Variants in ENTREP2 observed in about 807,000 individuals in gnomAD.
ENTREP2 encodes the protein protein ENTREP2.
chr15:29,269,179 G>A, the ENTREP2 span: 6 of 1,614,000 alleles, frequency 3.7e-6, no homozygotes, highest in Non-Finnish European at 5.1e-6. Flanking sequence ...CAGGAGGCCC[G>A]TAGTGGGCGT....
the ENTREP2 span, among the ~76,000 whole-genome samples, chr15:29,515,580 G>A: frequency 3.3e-5 from 5 of 152,200 alleles, no homozygotes; most frequent in African/African-American, 7.2e-5. Context: ...GCACCTGAAT[G>A]AGCAAGGAAA....
chr15:29,511,124 G>A, the ENTREP2 span, among the ~76,000 whole-genome samples: 1 of 152,022 alleles, frequency 6.6e-6, no homozygotes, highest in East Asian at 1.9e-4. Context: ...AAACCACCAT[G>A]GCACATATAT....
the ENTREP2 span, among the ~76,000 whole-genome samples, chr15:29,600,395 C>G: frequency 6.6e-6 from 1 of 152,016 alleles, no homozygotes; most frequent in Non-Finnish European, 1.5e-5. Flanking sequence ...TTCACTGGGT[C>G]TATCCAAATT....
chr15:29,167,842 AT>A, the ENTREP2 span, among the ~76,000 whole-genome samples: 1 of 152,210 alleles, frequency 6.6e-6, no homozygotes, highest in East Asian at 1.9e-4. Context: ...AAAAGAATTC[AT>A]TATATGAGGA....
the ENTREP2 span, among the ~76,000 whole-genome samples, chr15:29,548,453 T>TAAAAAAAAAAA: frequency 2.2e-5 from 3 of 134,182 alleles, no homozygotes; most frequent in Non-Finnish European, 3.2e-5. Flanking sequence ...AGATTCTGCC[T>TAAAAAAAAAAA]AAAAAAAAAA....
the ENTREP2 span, among the ~76,000 whole-genome samples, chr15:29,389,325 C>T: frequency 1.3e-5 from 2 of 152,058 alleles, no homozygotes; most frequent in Non-Finnish European, 2.9e-5. Context: ...TAAGACACTA[C>T]GACATCCGGA....
the ENTREP2 span, among the ~76,000 whole-genome samples, chr15:29,129,320 C>A: frequency 6.6e-6 from 1 of 152,186 alleles, no homozygotes; most frequent in Non-Finnish European, 1.5e-5. Flanking sequence ...CTGCTTTGGC[C>A]TCCCAAAGTG....
chr15:29,284,249 A>G, the ENTREP2 span, among the ~76,000 whole-genome samples: 91,868 of 152,030 alleles, frequency 0.6, 28,589 homozygotes, highest in Middle Eastern at 0.68. Flanking sequence ...GGAAGAACAC[A>G]TTGCTTTTAG....
At chr15:29,583,408 T>A in the ENTREP2 span, among the ~76,000 whole-genome samples, 2 of 152,174 alleles carry the variant, frequency 1.3e-5, no homozygotes, top group South Asian at 4.1e-4. Context: ...CAAACATGCA[T>A]GTTCTTACTT....
chr15:29,326,444 G>C, the ENTREP2 span, among the ~76,000 whole-genome samples: 1 of 152,098 alleles, frequency 6.6e-6, no homozygotes, highest in Non-Finnish European at 1.5e-5. Flanking sequence ...ATTGGAATTT[G>C]AAATTTAAAA....
At chr15:29,551,372 G>T in the ENTREP2 span, among the ~76,000 whole-genome samples, 1 of 152,138 alleles carries the variant, frequency 6.6e-6, no homozygotes, top group African/African-American at 2.4e-5. Flanking sequence ...ACTGCCCATC[G>T]GTGAGATTTG....
chr15:29,253,474 A>C, the ENTREP2 span, among the ~76,000 whole-genome samples: 2 of 136,862 alleles, frequency 1.5e-5, no homozygotes, highest in South Asian at 2.3e-4. Flanking sequence ...TTTGTGATGG[A>C]GTCTCACTCT....
the ENTREP2 span, among the ~76,000 whole-genome samples, chr15:29,304,318 C>CT: frequency 2.4e-4 from 36 of 152,278 alleles, no homozygotes; most frequent in African/African-American, 8.7e-4. Context: ...GAACTCTCCA[C>CT]CCAAAATTAA....
At chr15:29,127,331 A>AGTG in the ENTREP2 span, among the ~76,000 whole-genome samples, 1 of 152,094 alleles carries the variant, frequency 6.6e-6, no homozygotes, top group Admixed American at 6.5e-5. Flanking sequence ...CTGGCGCCAC[A>AGTG]GTGGAGTTGC....
chr15:29,559,763 A>T, the ENTREP2 span, among the ~76,000 whole-genome samples: 1 of 152,048 alleles, frequency 6.6e-6, no homozygotes, highest in Non-Finnish European at 1.5e-5. Flanking sequence ...TGCCTACATA[A>T]TCCAGGATAG....
the ENTREP2 span, among the ~76,000 whole-genome samples, chr15:29,340,201 A>T: frequency 6.6e-6 from 1 of 152,242 alleles, no homozygotes; most frequent in Non-Finnish European, 1.5e-5. Context: ...AATGAGGACA[A>T]AACCACCCTG....
At chr15:29,342,411 G>A in the ENTREP2 span, among the ~76,000 whole-genome samples, 1 of 152,190 alleles carries the variant, frequency 6.6e-6, no homozygotes. Flanking sequence ...GAGATTCTTG[G>A]TTGTTCTCAG....
At chr15:29,623,604 T>A in the ENTREP2 span, among the ~76,000 whole-genome samples, 1 of 152,110 alleles carries the variant, frequency 6.6e-6, no homozygotes, top group Non-Finnish European at 1.5e-5. Context: ...AATACAGAAC[T>A]CATGAAAGCT....
At chr15:29,149,826 T>C in the ENTREP2 span, among the ~76,000 whole-genome samples, 4 of 152,160 alleles carry the variant, frequency 2.6e-5, no homozygotes, top group Admixed American at 6.5e-5. Flanking sequence ...GAGCAGAGCC[T>C]TGGGCTCCCG....
Sources: allele counts gnomAD v4.1 joint callset (sites outside exome capture counted in the v4.1 genomes callset), GRCh38; gene constraint gnomAD v4.1.1; transcripts MANE v1.5; gene names NCBI Gene and HGNC (gene_info 2026-07-23, HGNC 2026-07-21).